The following PRKAG2 variants were observed in gnomAD, a reference collection of about 807,000 sequenced individuals.
The protein encoded by PRKAG2 is 5'-AMP-activated protein kinase subunit gamma-2.
PRKAG2 carries 26 observed loss-of-function variants against 69.6 expected under a neutral mutation model. That is an observed-to-expected ratio of 0.37 (90% CI 0.27 to 0.52). The LOEUF (loss-of-function observed/expected upper bound fraction) is 0.52, where lower values mean the gene tolerates loss of function less well. PRKAG2 is among the 20% of genes least tolerant of loss of function. The probability of loss-of-function intolerance (pLI) is 0.90; values close to 1 mark genes in which losing one functional copy is unlikely to be tolerated. For missense variants in PRKAG2, 557 were observed against 740.0 expected (o/e 0.75, Z 2.87); for synonymous variants, 293 against 285.0 (o/e 1.03, Z -0.28).
At chr7:151,799,939 TAAA>T (rs2077743843) in intron 1 of PRKAG2, among the ~76,000 whole-genome samples, 1 of 152,228 alleles carries the variant, frequency 6.6e-6, no homozygotes, top group Admixed American at 6.5e-5. Context: ...CTAGCTCTTT[TAAA>T]ATTTTACTTT....
chr7:151,859,483 C>G (rs1480819762), intron 1 of PRKAG2, among the ~76,000 whole-genome samples: 1 of 152,226 alleles, frequency 6.6e-6, no homozygotes, highest in Non-Finnish European at 1.5e-5. Context: ...GCACATCTCT[C>G]CGTGTTCACT....
intron 4 of PRKAG2, among the ~76,000 whole-genome samples, chr7:151,665,613 C>T (rs1376830317): frequency 6.6e-6 from 1 of 152,214 alleles, no homozygotes; most frequent in Non-Finnish European, 1.5e-5. Context: ...AGAATCAGTT[C>T]TCTCTGTAGC....
chr7:151,709,931 C>T (rs1326296873), intron 3 of PRKAG2, among the ~76,000 whole-genome samples: 1 of 152,136 alleles, frequency 6.6e-6, no homozygotes, highest in East Asian at 1.9e-4. Flanking sequence ...CACTGAGTGA[C>T]GTGTGACACT....
Position 151,784,385 on chromosome 7 carries a change from G to A in PRKAG2, c.186+2085C>T, listed in dbSNP as rs144583256. Among the ~76,000 whole-genome samples the A allele has an allele frequency of 4.7e-3, 712 of 152,308 alleles. 7 individuals carry two copies. The highest frequency in any genetic ancestry group is 0.016 in the African/African-American group (659 of 41,550). On this transcript the variant is annotated intron_variant, in intron 2 of 15. Transcript: ENST00000287878. ...GAAACAGAGACACATAGGGGAGCGG[G>A]GCCCCAGGAGAGCTTGCAGAGTGCC...
intron 3 of PRKAG2, among the ~76,000 whole-genome samples, chr7:151,745,849 T>C (rs1371279931): frequency 6.6e-6 from 1 of 152,146 alleles, no homozygotes; most frequent in Non-Finnish European, 1.5e-5. Flanking sequence ...CCCTTTTCAG[T>C]CCCTTCTCGT....
At chr7:151,832,713 C>T (rs2079066688) in intron 1 of PRKAG2, among the ~76,000 whole-genome samples, 1 of 152,022 alleles carries the variant, frequency 6.6e-6, no homozygotes, top group Admixed American at 6.5e-5. Context: ...GGGTACTCTC[C>T]AGGTGCTACC....
chr7:151,818,890 C>T (rs2078707275), intron 1 of PRKAG2, among the ~76,000 whole-genome samples: 1 of 152,350 alleles, frequency 6.6e-6, no homozygotes, highest in South Asian at 2.1e-4. Flanking sequence ...AGCTTGAGGC[C>T]AGTGCCCTGT....
chr7:151,712,614 C>T (rs1426548607), intron 3 of PRKAG2, among the ~76,000 whole-genome samples: 3 of 152,256 alleles, frequency 2.0e-5, no homozygotes, highest in Non-Finnish European at 4.4e-5. Context: ...GACACCAGCT[C>T]CTGGGCTGCA....
rs1796781761 is a variant in PRKAG2, at chr7:151,719,958, G to A, written c.467-44321C>T. Among the ~76,000 whole-genome samples, 1 of 152,154 alleles carries A rather than the reference G, an allele frequency of 6.6e-6. No individual in the cohort carries two copies. The highest frequency in any genetic ancestry group is 1.5e-5 in the Non-Finnish European group (1 of 68,024). ...AATTGGCTGTGCTTGCTCTGCCCAG[G>A]TCCAGACCAGGGGCAGCTCTGGCCC... On this transcript the variant is annotated intron_variant, in intron 3 of 15. Coordinates refer to ENST00000287878, the MANE Select transcript of PRKAG2 (RefSeq NM_016203.4). The surrounding 1 kb of genome is among the most constrained non-coding windows in gnomAD (Gnocchi z 5.2).
At chr7:151,615,972 T>G (rs758152828) in intron 5 of PRKAG2, among the ~76,000 whole-genome samples, 1 of 152,196 alleles carries the variant, frequency 6.6e-6, no homozygotes, top group Non-Finnish European at 1.5e-5. Flanking sequence ...AAAGCATGAT[T>G]AGAGCCTCTG....
intron 3 of PRKAG2, among the ~76,000 whole-genome samples, chr7:151,711,240 G>C (rs967075221): frequency 5.3e-5 from 8 of 151,940 alleles, no homozygotes; most frequent in African/African-American, 1.9e-4. Flanking sequence ...AGTGCTAAGA[G>C]TACTAGGCTG....
chr7:151,657,362 G>A (rs1829588631), intron 4 of PRKAG2, among the ~76,000 whole-genome samples: 1 of 152,180 alleles, frequency 6.6e-6, no homozygotes, highest in South Asian at 2.1e-4. Context: ...CTGCTGGACT[G>A]TTCTGTGTGT....
chr7:151,566,817 G>A (rs1425226097), intron 11 of PRKAG2, among the ~76,000 whole-genome samples: 1 of 152,098 alleles, frequency 6.6e-6, no homozygotes, highest in Non-Finnish European at 1.5e-5. Flanking sequence ...GTCTTGAAGG[G>A]TAATGCTCCT....
At chr7:151,766,420 C>T (rs1158240298) in intron 3 of PRKAG2, among the ~76,000 whole-genome samples, 1 of 152,224 alleles carries the variant, frequency 6.6e-6, no homozygotes, top group Admixed American at 6.5e-5. Flanking sequence ...AGCTCAAACA[C>T]AGTTCACTCA....
intron 9 of PRKAG2, among the ~76,000 whole-genome samples, chr7:151,570,542 C>T (rs1471852267): frequency 6.6e-6 from 1 of 152,098 alleles, no homozygotes; most frequent in Admixed American, 6.5e-5. Flanking sequence ...CACTAGAATG[C>T]TACCAGGTTC....
intron 3 of PRKAG2, among the ~76,000 whole-genome samples, chr7:151,712,207 C>T (rs28533208): frequency 0.3 from 45,729 of 152,160 alleles, 7,541 homozygotes; most frequent in East Asian, 0.65. Flanking sequence ...AGCCTCCGCC[C>T]GACCCTCTGA....
intron 15 of PRKAG2, chr7:151,560,115 C>A: frequency 1.0e-6 from 1 of 984,988 alleles, no homozygotes; most frequent in Non-Finnish European, 1.2e-6. Context: ...TTTATCTACT[C>A]AAAATATAAG....
chr7:151,597,240 G>A (rs1814772128), intron 5 of PRKAG2, among the ~76,000 whole-genome samples: 1 of 152,136 alleles, frequency 6.6e-6, no homozygotes, highest in African/African-American at 2.4e-5. Context: ...AAATGAAGCT[G>A]GACTCCTATC....
At chr7:151,627,773 C>T (rs1174049429) in intron 5 of PRKAG2, among the ~76,000 whole-genome samples, 1 of 152,178 alleles carries the variant, frequency 6.6e-6, no homozygotes, top group African/African-American at 2.4e-5. Flanking sequence ...GGTGATCCTC[C>T]CACCTCAGCC....
Sources: allele counts gnomAD v4.1 joint callset (sites outside exome capture counted in the v4.1 genomes callset), GRCh38; gene constraint gnomAD v4.1.1; non-coding constraint Gnocchi (gnomAD v3.1); transcripts MANE v1.5; gene names NCBI Gene and HGNC (gene_info 2026-07-23, HGNC 2026-07-21).